Variants in GNPDA2 observed in about 807,000 individuals in gnomAD.
GNPDA2 encodes the protein glucosamine-6-phosphate deaminase 2.
A neutral mutation model predicts 27.0 loss-of-function variants in GNPDA2; 24 were observed. That is an observed-to-expected ratio of 0.89 (90% CI 0.64 to 1.25). GNPDA2 has a LOEUF of 1.25. GNPDA2 is among the 50% of genes most tolerant of loss of function. The probability of loss-of-function intolerance (pLI) is 0.00; values close to 1 mark genes in which losing one functional copy is unlikely to be tolerated. For synonymous variants in GNPDA2, 94 were observed against 108.4 expected, an observed-to-expected ratio of 0.87 and a Z score of 0.83; for missense variants, 286 against 335.1, an observed-to-expected ratio of 0.85 and a Z score of 1.14.
chr4:44,705,170 GA>G, intron 6 of GNPDA2: 2 of 983,520 alleles, frequency 2.0e-6, no homozygotes, highest in Non-Finnish European at 2.4e-6. Context: ...GATGTGAATG[GA>G]ATTTGAAGAG....
intron 2 of GNPDA2, among the ~76,000 whole-genome samples, chr4:44,720,705 C>T (rs1025741245): frequency 2.0e-5 from 3 of 152,102 alleles, no homozygotes; most frequent in African/African-American, 7.2e-5. Flanking sequence ...ACATAATTAA[C>T]TTGTCGATGG....
Position 44,707,832 on chromosome 4 carries a change from T to C in GNPDA2, c.689A>G (p.Gln230Arg), listed in dbSNP as rs750249826. The change falls in exon 6 of 7, where the codon CAG (glutamine) becomes CGG (arginine). Residue 230 changes from glutamine (Q) to arginine (R), a missense_variant. Coordinates refer to ENST00000295448, the MANE Select transcript of GNPDA2 (RefSeq NM_138335.3). Reference protein sequence around the residue: ...VNHMWTVSAFQQHPRTIFVCD... With the variant: ...VNHMWTVSAFRQHPRTIFVCD... The stretch of plus-strand genomic sequence containing the variant: ...TACAAAAATAGTCCGGGGATGCTGC[T>C]GGAAAGCGGAAACAGTCCACATGTG... The C allele has an allele frequency of 1.9e-6, 3 of 1,613,474 alleles. No homozygotes were observed. The highest frequency in any genetic ancestry group is 2.5e-6 in the Non-Finnish European group (3 of 1,179,606).
chr4:44,713,736 C>T (rs752725856), intron 4 of GNPDA2, among the ~76,000 whole-genome samples: 2 of 151,844 alleles, frequency 1.3e-5, no homozygotes, highest in African/African-American at 2.4e-5. Flanking sequence ...AAAAATTAGC[C>T]GGGCATGGCG....
intron 6 of GNPDA2, chr4:44,704,279 G>A: frequency 8.1e-6 from 8 of 984,008 alleles, no homozygotes; most frequent in Non-Finnish European, 9.7e-6. Flanking sequence ...GTAGGAGAGG[G>A]GACAACAAAG....
chr4:44,703,118 A>C lies in GNPDA2; in HGVS notation c.794T>G (p.Leu265Arg), dbSNP rs552246770. Reference protein sequence around the residue: ...FKGLMHVHNKLVDPLFSMKDG... With the variant: ...FKGLMHVHNKRVDPLFSMKDG... Reference sequence around the variant, plus strand: ...TTTCATACTGAATAGTGGATCCACAAGTTTATTGTGCACATGCATTAGACC... The same window carrying C: ...TTTCATACTGAATAGTGGATCCACACGTTTATTGTGCACATGCATTAGACC... The change falls in exon 7 of 7, where the codon CTT becomes CGT. Residue 265 changes from leucine to arginine, a missense_variant. Transcript: ENST00000295448. 1 of 1,611,822 alleles carries C rather than the reference A, an allele frequency of 6.2e-7. No individual in the cohort carries two copies. The highest frequency in any genetic ancestry group is 2.2e-5 in the East Asian group (1 of 44,760).
chr4:44,713,595 T>G (rs560108520), intron 4 of GNPDA2, among the ~76,000 whole-genome samples: 1 of 152,172 alleles, frequency 6.6e-6, no homozygotes, highest in Non-Finnish European at 1.5e-5. Flanking sequence ...AAAAACACTA[T>G]TAGGCCGGGT....
intron 6 of GNPDA2, 120 bp from the exon 7 acceptor site, chr4:44,703,262 T>C (rs1025266665): frequency 4.9e-6 from 7 of 1,420,122 alleles, no homozygotes; most frequent in Admixed American, 3.2e-5. Flanking sequence ...CATCTTGATA[T>C]AGTCAAGTTT....
Position 44,703,059 on chromosome 4 carries a change from C to T in GNPDA2, c.*22G>A. 1 of 1,610,450 alleles carries T rather than the reference C, an allele frequency of 6.2e-7. No individual in the cohort carries two copies. Among genetic ancestry groups the T allele is most frequent in the Non-Finnish European group, 8.5e-7 (1 of 1,178,608 alleles). On this transcript the variant is annotated 3_prime_UTR_variant, in exon 7 of 7. Transcript: ENST00000295448. ...GTAAAAAGTGCTCTGTTCATTCAAG[C>T]TGAATTTTGCTCCAGTCTCCTTCAG...
chr4:44,707,598 C>A, intron 6 of GNPDA2, 154 bp downstream of exon 6: 1 of 530,802 alleles, frequency 1.9e-6, no homozygotes, highest in Non-Finnish European at 3.3e-6. Context: ...ATACTATTAT[C>A]TGAGGTGAGA....
chr4:44,724,221 GC>G (rs1424160124), intron 1 of GNPDA2, among the ~76,000 whole-genome samples: 1 of 152,094 alleles, frequency 6.6e-6, no homozygotes, highest in Non-Finnish European at 1.5e-5. Flanking sequence ...TAGATTTCCT[GC>G]CCCCAGACCT....
chr4:44,714,500 A>G, intron 4 of GNPDA2: 1 of 985,282 alleles, frequency 1.0e-6, no homozygotes, highest in Non-Finnish European at 1.2e-6. Context: ...AACATTTTTG[A>G]GCTCTTCTCA....
chr4:44,717,324 T>C (rs1717367616), intron 3 of GNPDA2, 29 bp from the exon 4 acceptor site: 2 of 1,228,628 alleles, frequency 1.6e-6, no homozygotes, highest in African/African-American at 1.5e-5. Flanking sequence ...AAAATATAAG[T>C]ATTCCTGAAA....
At chr4:44,710,779 T>A (rs550835688) in intron 5 of GNPDA2, among the ~76,000 whole-genome samples, 174 bp downstream of exon 5, 2 of 152,178 alleles carry the variant, frequency 1.3e-5, no homozygotes, top group Non-Finnish European at 2.9e-5. Context: ...AAAGACTTAA[T>A]TGATCCCTAA....
intron 4 of GNPDA2, among the ~76,000 whole-genome samples, chr4:44,711,553 G>A (rs1716981704): frequency 6.6e-6 from 1 of 152,062 alleles, no homozygotes; most frequent in Non-Finnish European, 1.5e-5. Flanking sequence ...CTTGTTCAAT[G>A]TCACAACTGG....
intron 2 of GNPDA2, 101 bp from the exon 3 acceptor site, chr4:44,718,511 G>A: frequency 2.6e-6 from 1 of 383,596 alleles, no homozygotes; most frequent in South Asian, 9.8e-5. Context: ...ATAATATTCT[G>A]TAGTTCTGAT....
chr4:44,702,099 T>C lies in GNPDA2; in HGVS notation c.*982A>G, dbSNP rs1278237156. 1 of 980,868 alleles carries C rather than the reference T, an allele frequency of 1.0e-6. No homozygotes were observed. The highest frequency in any genetic ancestry group is 1.2e-6 in the Non-Finnish European group (1 of 825,582). 60.8% of individuals were successfully genotyped at this position (980,868 alleles called of 1,614,324 possible). On this transcript the variant is annotated 3_prime_UTR_variant, in exon 7 of 7. Transcript: ENST00000295448. ...GAATGCAGGTTCACATGTACTATAA[T>C]TGTTGGGAGTCGAATGCATGTATTC...
At chr4:44,709,937 A>G (rs1011867883) in intron 5 of GNPDA2, among the ~76,000 whole-genome samples, 5 of 152,098 alleles carry the variant, frequency 3.3e-5, no homozygotes, top group African/African-American at 1.2e-4. Context: ...GTAATCACAC[A>G]CTGCACTCCT....
At chr4:44,706,818 T>G (rs947089546) in intron 6 of GNPDA2, 3 of 152,002 alleles carry the variant, frequency 2.0e-5, no homozygotes, top group African/African-American at 7.2e-5. Context: ...ATTTATTCAG[T>G]GTATTTTCCA....
intron 4 of GNPDA2, among the ~76,000 whole-genome samples, chr4:44,711,799 T>C (rs1309605851): frequency 1.5e-5 from 2 of 133,676 alleles, no homozygotes; most frequent in Non-Finnish European, 3.2e-5. Context: ...ACATTTGATA[T>C]TGCAATCTAG....
Sources: allele counts gnomAD v4.1 joint callset (sites outside exome capture counted in the v4.1 genomes callset), GRCh38; gene constraint gnomAD v4.1.1; transcripts MANE v1.5; gene names NCBI Gene and HGNC (gene_info 2026-07-23, HGNC 2026-07-21).